The following GGA2 variants were observed in gnomAD, a reference collection of about 807,000 sequenced individuals.
GGA2 encodes golgi associated, gamma adaptin ear containing, ARF binding protein 2, also known as ADP-ribosylation factor-binding protein GGA2.
In GGA2, 48 loss-of-function variants were observed where a neutral mutation model predicts 79.5. That is an observed-to-expected ratio of 0.60 (90% confidence interval 0.48 to 0.77). The LOEUF (loss-of-function observed/expected upper bound fraction) is 0.77. GGA2 is among the 30% of genes least tolerant of loss of function. The pLI, the probability that GGA2 is intolerant of heterozygous loss-of-function variation, is 0.00. For missense variants in GGA2, 770 were observed against 774.0 expected (o/e 0.99, Z 0.06); for synonymous variants, 317 against 302.0 (o/e 1.05, Z -0.51).
At chr16:23,484,139 G>A (rs1382602459) in intron 8 of GGA2, among the ~76,000 whole-genome samples, 2 of 151,538 alleles carry the variant, frequency 1.3e-5, no homozygotes, top group Admixed American at 1.3e-4. Context: ...CAGGCACAGT[G>A]GCTCACACCT....
intron 5 of GGA2, among the ~76,000 whole-genome samples, chr16:23,491,341 G>C (rs1197586268): frequency 6.9e-6 from 1 of 145,452 alleles, no homozygotes; most frequent in Non-Finnish European, 1.5e-5. Context: ...CAAAAGGTTA[G>C]TTTTTAGGCA....
Position 23,475,021 on chromosome 16 carries a change from G to C in GGA2, c.1333C>G (p.Pro445Ala). The C allele has an allele frequency of 1.2e-6, 2 of 1,603,934 alleles. No individual in the cohort carries two copies. The highest frequency in any genetic ancestry group is 1.7e-6 in the Non-Finnish European group (2 of 1,176,030). Residue 445 changes from proline (P) to alanine (A), a missense_variant, in exon 14 of 17, where the codon CCA becomes GCA. Transcript: ENST00000309859. ...SQKSVPKEVP[P>A]GTKSSPGWSW... ...CAACCTGGAGAGGACTTAGTACCTG[G>C]TGGCACTTCCTTGGGGACACTTTTC...
chr16:23,522,044 G>T, upstream of GGA2: 1 of 333,338 alleles, frequency 3.0e-6, no homozygotes, highest in South Asian at 2.4e-5. Context: ...TTACTGAGAT[G>T]ATGGACTAAG....
At chr16:23,513,948 G>A (rs1438581746), upstream of GGA2, among the ~76,000 whole-genome samples, 1 of 152,062 alleles carries the variant, frequency 6.6e-6, no homozygotes, top group Admixed American at 6.6e-5. Flanking sequence ...AATTTGGACA[G>A]GCCTTGCTGG....
At position 23,470,130 on chromosome 16, in the gene GGA2, C is replaced by T. The variant is rs745823263; in HGVS notation, c.1486G>A (p.Gly496Arg). 1.1e-4 allele frequency: 180 copies of T among 1,608,488 alleles called. No homozygotes were observed. The highest frequency in any genetic ancestry group is 1.5e-4 in the Non-Finnish European group (171 of 1,177,754). ...LPPLIVYDRNGFRILLHFSQT... is the reference protein window; with the variant it reads ...LPPLIVYDRNRFRILLHFSQT... Reference sequence around the variant, plus strand: ...GAGAAGTGGAGCAGAATTCTGAATCCATTCCGGTCATACACAATGAGAGGC... The same window carrying T: ...GAGAAGTGGAGCAGAATTCTGAATCTATTCCGGTCATACACAATGAGAGGC... Residue 496 changes from glycine (G) to arginine (R), a missense_variant, in exon 15 of 17, where the codon GGA (glycine) becomes AGA (arginine). Physicochemically the swap from Gly to Arg is moderately radical, Grantham distance 125. Transcript: ENST00000309859.
chr16:23,518,953 T>A (rs1264402228), intron 2 of GGA2, among the ~76,000 whole-genome samples: 1 of 151,996 alleles, frequency 6.6e-6, no homozygotes, highest in Non-Finnish European at 1.5e-5. Flanking sequence ...AAAAGTACTA[T>A]GAAGGCAAAA....
At chr16:23,479,723 G>C (rs778699196) in intron 11 of GGA2, 42 bp downstream of exon 11, 2 of 1,609,012 alleles carry the variant, frequency 1.2e-6, no homozygotes, top group East Asian at 2.2e-5. Flanking sequence ...TCCCCTACTC[G>C]CACCCATCCT....
intron 9 of GGA2, among the ~76,000 whole-genome samples, chr16:23,481,487 A>G (rs1233347101): frequency 1.3e-5 from 2 of 152,102 alleles, no homozygotes; most frequent in African/African-American, 2.4e-5. Flanking sequence ...ATGCAAGGAA[A>G]AAAGGCTGTG....
At chr16:23,513,996 T>C (rs1478677589), upstream of GGA2, among the ~76,000 whole-genome samples, 1 of 152,114 alleles carries the variant, frequency 6.6e-6, no homozygotes, top group Non-Finnish European at 1.5e-5. Context: ...CTCATACCAT[T>C]TTGTTCAATC....
At chr16:23,490,341 G>GGAT (rs1226088059) in intron 5 of GGA2, among the ~76,000 whole-genome samples, 3 of 152,208 alleles carry the variant, frequency 2.0e-5, no homozygotes, top group African/African-American at 7.2e-5. Flanking sequence ...CCTCACTGAT[G>GGAT]GATATGCCAA....
chr16:23,496,345 C>T (rs1259015110), intron 1 of GGA2, among the ~76,000 whole-genome samples: 1 of 151,002 alleles, frequency 6.6e-6, no homozygotes, highest in East Asian at 1.9e-4. Context: ...ACAAGTTATT[C>T]CCCTGAAAGC....
chr16:23,478,342 C>T, intron 13 of GGA2, 26 bp downstream of exon 13: 16 of 1,546,282 alleles, frequency 1.0e-5, no homozygotes, highest in Non-Finnish European at 1.2e-5. Context: ...CCACACTCTC[C>T]CACTCCCCTT....
intron 5 of GGA2, 95 bp downstream of exon 5, chr16:23,491,582 G>T: frequency 9.8e-7 from 1 of 1,021,212 alleles, no homozygotes; most frequent in Non-Finnish European, 1.5e-6. Flanking sequence ...TACATAAGAA[G>T]TACAGCTTTC....
At chr16:23,470,534 G>A (rs941309090) in intron 14 of GGA2, among the ~76,000 whole-genome samples, 3 of 152,048 alleles carry the variant, frequency 2.0e-5, no homozygotes, top group African/African-American at 7.2e-5. Flanking sequence ...AGGCCAAGGC[G>A]GGTGGATCAC....
At chr16:23,509,507 G>A (rs1965011449) in intron 1 of GGA2, among the ~76,000 whole-genome samples, 1 of 152,138 alleles carries the variant, frequency 6.6e-6, no homozygotes, top group Admixed American at 6.6e-5. Context: ...GTTTTGGTGA[G>A]CAAGGACCCT....
rs564798718 is a variant in GGA2 at position 23,480,354 on chromosome 16, TTTC to T, written c.1006+288_1006+290del. 331 of 354,728 alleles carry T rather than the reference TTTC, an allele frequency of 9.3e-4. 3 individuals are homozygous for T. The highest frequency in any genetic ancestry group is 6.5e-3 in the African/African-American group (318 of 49,008). The allele number at this position is 354,728 out of a possible 1,614,324, so 22.0% of individuals were successfully genotyped here. The stretch of plus-strand genomic sequence containing the variant: ...CACTAGGAACCACTAAGGAAGATCA[TTTC>T]TTTTGTCTCTAGCTCCTGTATGCAA... On this transcript the variant is annotated intron_variant, in intron 10 of 16. Coordinates refer to ENST00000309859, the MANE Select transcript of GGA2 (RefSeq NM_015044.4).
At position 23,480,787 on chromosome 16, in the gene GGA2, G is replaced by A; in HGVS notation, c.881-17C>T. ...GAATTTCCGCTGAAGAATGAGGGAA[G>A]ACTCAGAACCCCCTGGTTTGGCAAC... On this transcript the variant is annotated splice_polypyrimidine_tract_variant and intron_variant, in intron 9 of 16. Transcript: ENST00000309859. 6.3e-7 allele frequency: 1 copy of A among 1,599,888 alleles called. No homozygotes were observed. Among genetic ancestry groups the A allele is most frequent in the South Asian group, 1.1e-5 (1 of 90,656 alleles).
chr16:23,502,925 T>A (rs1964935491), intron 1 of GGA2, among the ~76,000 whole-genome samples: 1 of 152,190 alleles, frequency 6.6e-6, no homozygotes, highest in South Asian at 2.1e-4. Context: ...CAATGTGAGA[T>A]GTCAGATTAA....
Position 23,465,108 on chromosome 16 carries a change from A to C in GGA2, c.*2482T>G, listed in dbSNP as rs974069540. On this transcript the variant is annotated 3_prime_UTR_variant, in exon 17 of 17. Coordinates refer to ENST00000309859, the MANE Select transcript of GGA2 (RefSeq NM_015044.4). ...ATTTGCTTCTCCCCAGAGGAAAAGA[A>C]GCTCCTTCAGGGTGGTGCCTGGCTC... The C allele has an allele frequency of 8.7e-6, 5 of 571,506 alleles. No homozygotes were observed. The African/African-American group carries it at 9.4e-5, about 11-fold the overall frequency. The allele number at this position is 571,506 out of a possible 1,614,324, so 35.4% of individuals were successfully genotyped here. A position where few individuals can be genotyped will look rare whatever the true frequency, so the allele number is the denominator to read the frequency against.
Sources: gnomAD v4.1 joint callset for allele counts (sites outside exome capture counted in the v4.1 genomes callset) on GRCh38, gnomAD v4.1.1 for gene constraint, MANE v1.5 for transcripts, NCBI Gene and HGNC (gene_info 2026-07-23, HGNC 2026-07-21) for gene names.